The following TTLL4 variants were observed in gnomAD, a reference collection of about 807,000 sequenced individuals.
The protein encoded by TTLL4 is tubulin monoglutamylase TTLL4.
A neutral mutation model predicts 122.7 loss-of-function variants in TTLL4; 85 were observed. The observed-to-expected ratio is 0.69, with a 90% CI of 0.58 to 0.83. The LOEUF is 0.83. TTLL4 is among the 40% of genes least tolerant of loss of function. The probability of loss-of-function intolerance (pLI) is 0.00; values close to 1 mark genes in which losing one functional copy is unlikely to be tolerated. For missense variants in TTLL4, 1,363 were observed against 1,488.6 expected, an observed-to-expected ratio of 0.92 and a Z score of 1.39; for synonymous variants, 553 against 563.0, an observed-to-expected ratio of 0.98 and a Z score of 0.25.
At chr2:218,757,648 T>A (rs1943177425), downstream of TTLL4, among the ~76,000 whole-genome samples, 1 of 152,168 alleles carries the variant, frequency 6.6e-6, no homozygotes, top group African/African-American at 2.4e-5. Context: ...TACCTTCTCT[T>A]GGTTTCAAGC....
rs1943111181 is a variant in TTLL4, at chr2:218,754,443, G to A, written c.*54G>A. The A allele has an allele frequency of 3.7e-6, 6 of 1,605,466 alleles. No homozygotes were observed. Among genetic ancestry groups the A allele is most frequent in the South Asian group, 3.3e-5 (3 of 90,128 alleles). ...GGAGCATGGGCATCAGCTACCTCAC[G>A]GGAACCAGCCTGCTGTTCAGACCAG... On this transcript the variant is annotated 3_prime_UTR_variant, in exon 20 of 20. Transcript: ENST00000392102.
chr2:218,725,260 C>T (rs1265929918), intron 1 of TTLL4, among the ~76,000 whole-genome samples: 1 of 152,050 alleles, frequency 6.6e-6, no homozygotes, highest in East Asian at 1.9e-4. Flanking sequence ...TGCTGTGTCC[C>T]CTAGCGTGGA....
In TTLL4 at chr2:218,747,302, C is replaced by G. The variant is rs148484296; in HGVS notation, c.2179C>G (p.Arg727Gly). ...KWIVKPPASA[R>G]GIGIQVIHKW... ...TTTCTGCTCCTAGCCAGCATCAGCTCGAGGCATTGGCATCCAGGTTATTCA... is the reference window on the plus strand; with the variant it reads ...TTTCTGCTCCTAGCCAGCATCAGCTGGAGGCATTGGCATCCAGGTTATTCA... Residue 727 changes from arginine to glycine, a missense_variant, in exon 10 of 20, where the codon CGA (arginine) becomes GGA (glycine). By Grantham distance (125) the Arg-to-Gly change is moderately radical (BLOSUM62 -2). Transcript: ENST00000392102. This position sits in a 1 kb window ranked among gnomAD's most constrained non-coding sequence, Gnocchi z 4.7. 4.3e-6 allele frequency: 7 copies of G among 1,614,032 alleles called. No individual in the cohort carries two copies. The highest frequency in any genetic ancestry group is 5.9e-6 in the Non-Finnish European group (7 of 1,180,042).
rs749674538 is a variant in TTLL4 at position 218,748,874 on chromosome 2, G to C, written c.2540G>C (p.Gly847Ala). ...KALWNYLSQK[G>A]VNSDAIWEKI... ...TTGTGGAACTACCTGAGCCAGAAGG[G>C]AGTCAATAGCGACGCCATCTGGGAG... is the stretch of plus-strand genomic sequence containing the variant. Residue 847 changes from glycine (G) to alanine (A), a missense_variant, in exon 13 of 20, where the codon GGA (glycine) becomes GCA (alanine). Transcript: ENST00000392102. 6.8e-6 allele frequency: 11 copies of C among 1,613,992 alleles called. No homozygotes were observed. The East Asian group carries it at 2.2e-4, about 33-fold the overall frequency.
chr2:218,718,178 T>C (rs1012477275), intron 1 of TTLL4, among the ~76,000 whole-genome samples: 25 of 152,248 alleles, frequency 1.6e-4, no homozygotes, highest in African/African-American at 5.1e-4. Context: ...TGAGTTTCCC[T>C]GGTGACCGAG....
chr2:218,745,006 A>G lies in TTLL4; in HGVS notation c.1662-103A>G, dbSNP rs867791740. ...GAGCACCTGGCTTTTTAGAATCACAAGTTAAAAGACAGCACTTGGAAATAA... is the reference window on the plus strand; with the variant it reads ...GAGCACCTGGCTTTTTAGAATCACAGGTTAAAAGACAGCACTTGGAAATAA... On this transcript the variant is annotated intron_variant, in intron 5 of 19. Transcript: ENST00000392102. 2.2e-5 allele frequency: 32 copies of G among 1,482,974 alleles called. No individual in the cohort carries two copies. The South Asian group carries it at 2.4e-4, about 11-fold the overall frequency. 91.9% of individuals were successfully genotyped at this position (1,482,974 alleles called of 1,614,324 possible).
chr2:218,748,817 TC>T lies in TTLL4; in HGVS notation c.2502-17del, dbSNP rs776198603. ...TTCCTAGAATTTAATTCCTAATACT[TC>T]CTCTTCCTCCTCTGCAGGGCACTGA... On this transcript the variant is annotated intron_variant, in intron 12 of 19. Coordinates refer to ENST00000392102, the MANE Select transcript of TTLL4 (RefSeq NM_014640.5). 6.2e-7 allele frequency: 1 copy of T among 1,609,610 alleles called. No homozygotes were observed. Among genetic ancestry groups the T allele is most frequent in the Non-Finnish European group, 8.5e-7 (1 of 1,176,242 alleles).
intron 1 of TTLL4, among the ~76,000 whole-genome samples, chr2:218,717,801 CTTT>C (rs923415185): frequency 1.4e-5 from 2 of 144,302 alleles, no homozygotes; most frequent in South Asian, 2.2e-4. Flanking sequence ...CTATCTTCTT[CTTT>C]TTTTTTTTTT....
Position 218,730,311 on chromosome 2 carries a change from C to CAAAAAAAAAAAAAAAAAAAAAAAAA in TTLL4, c.-99+2978_-99+3002dup, listed in dbSNP as rs548186206. 2.1e-4 allele frequency among the ~76,000 whole-genome samples: 3 copies of CAAAAAAAAAAAAAAAAAAAAAAAAA among 14,302 alleles called. 1 individual carries two copies. The highest frequency in any genetic ancestry group is 6.2e-4 in the African/African-American group (2 of 3,250). The allele number at this position is 14,302 out of a possible 152,430, so 9.4% of individuals were successfully genotyped here. On this transcript the variant is annotated intron_variant, in intron 2 of 19. Transcript: ENST00000392102. ...TGAAACCCCATCTTTACTAAAAATC[C>CAAAAAAAAAAAAAAAAAAAAAAAAA]AAAAAAAAAAAAAAAAAAAAAAAAA...
intron 5 of TTLL4, among the ~76,000 whole-genome samples, chr2:218,744,387 T>G (rs1942783348): frequency 6.6e-6 from 1 of 152,216 alleles, no homozygotes; most frequent in Non-Finnish European, 1.5e-5. Flanking sequence ...GTAGTTGATA[T>G]GTTTGCTATG....
At chr2:218,757,837 G>C (rs1336024844), downstream of TTLL4, among the ~76,000 whole-genome samples, 1 of 152,134 alleles carries the variant, frequency 6.6e-6, no homozygotes, top group East Asian at 1.9e-4. Context: ...AACAAAGGCA[G>C]ACAGGGATCT....
Position 218,747,480 on chromosome 2 carries a change from A to G in TTLL4, c.2249+108A>G, listed in dbSNP as rs1942877709. ...GTTCTCCCAGCCAAAGAGCTTCCTT[A>G]GCCAACTGTTCTAAGGTCTTTATCT... On this transcript the variant is annotated intron_variant, in intron 10 of 19. Transcript: ENST00000392102. This position sits in a 1 kb window ranked among gnomAD's most constrained non-coding sequence, Gnocchi z 4.7. 6.4e-7 allele frequency: 1 copy of G among 1,568,644 alleles called. No individual in the cohort carries two copies. Among genetic ancestry groups the G allele is most frequent in the Non-Finnish European group, 8.7e-7 (1 of 1,153,930 alleles).
At position 218,738,533 on chromosome 2, in the gene TTLL4, C is replaced by A. The variant is rs1444867548; in HGVS notation, c.857C>A (p.Ala286Asp). 7 of 1,614,036 alleles carry A rather than the reference C, an allele frequency of 4.3e-6. No individual in the cohort carries two copies. In the Admixed American group the frequency reaches 5.0e-5, roughly 12 times the overall value. ...CCAGCTGATGCCAGTGCCCATATCGCCTTGTCTACCGCTAGCTCCCACGAC... is the reference window on the plus strand; with the variant it reads ...CCAGCTGATGCCAGTGCCCATATCGACTTGTCTACCGCTAGCTCCCACGAC... ...TVPADASAHI[A>D]LSTASSHDTS... Residue 286 changes from alanine to aspartate, a missense_variant, in exon 3 of 20, where the codon GCC becomes GAC. Ala to Asp is a moderately radical substitution (Grantham distance 126). Around this residue, in one of 3 missense-constraint regions of TTLL4, gnomAD observed 760 missense variants for 808.4 expected, o/e 0.94. Transcript: ENST00000392102.
chr2:218,732,677 T>C (rs191446247), intron 2 of TTLL4, among the ~76,000 whole-genome samples: 2 of 152,326 alleles, frequency 1.3e-5, no homozygotes, highest in African/African-American at 4.8e-5. Flanking sequence ...CTTCAGAAGC[T>C]TTTTAAAGTT....
At chr2:218,736,865 T>TTC (rs11423164) in intron 2 of TTLL4, among the ~76,000 whole-genome samples, 1 of 151,516 alleles carries the variant, frequency 6.6e-6, no homozygotes, top group African/African-American at 2.4e-5. Context: ...TTTTTTTTTT[T>TTC]CTGAGATGGG....
intron 15 of TTLL4, 93 bp downstream of exon 15, chr2:218,750,239 C>T: frequency 6.6e-7 from 1 of 1,506,508 alleles, no homozygotes. Context: ...CTCCCTTCTG[C>T]CAGGTTCCCC....
At position 218,754,765 on chromosome 2, in the gene TTLL4, C is replaced by A; in HGVS notation, c.*376C>A. 3.8e-6 allele frequency: 1 copy of A among 260,412 alleles called. No individual in the cohort carries two copies. Among genetic ancestry groups the A allele is most frequent in the Non-Finnish European group, 7.4e-6 (1 of 135,196 alleles). 16.1% of individuals were successfully genotyped at this position (260,412 alleles called of 1,614,324 possible). A position where few individuals can be genotyped will look rare whatever the true frequency, so the allele number is the denominator to read the frequency against. On this transcript the variant is annotated 3_prime_UTR_variant, in exon 20 of 20. Transcript: ENST00000392102. ...TTGTAGCTCAAGAGGAGAAAACATA[C>A]AGAACATATTTGGACCGGAAATCCT...
At chr2:218,749,541 T>A (rs545615519) in intron 14 of TTLL4, among the ~76,000 whole-genome samples, 154 bp downstream of exon 14, 3 of 152,136 alleles carry the variant, frequency 2.0e-5, no homozygotes, top group Non-Finnish European at 4.4e-5. Flanking sequence ...CAATCTTGGC[T>A]TACTGCAACC....
In TTLL4 at chr2:218,749,919, A is replaced by G. The variant is rs1031781321; in HGVS notation, c.2736-90A>G. On this transcript the variant is annotated intron_variant, in intron 14 of 19. Transcript: ENST00000392102. ...CAGCTTTCATCTTAGGGAAGCCAGG[A>G]AGTAAATGAGACTAGCCCTGAGTTG... 11 of 1,510,392 alleles carry G rather than the reference A, an allele frequency of 7.3e-6. No individual in the cohort carries two copies. In the African/African-American group the frequency reaches 1.5e-4, roughly 21 times the overall value. The allele number at this position is 1,510,392 out of a possible 1,614,324, so 93.6% of individuals were successfully genotyped here. A position where few individuals can be genotyped will look rare whatever the true frequency, so the allele number is the denominator to read the frequency against.
Sources: allele counts gnomAD v4.1 joint callset (sites outside exome capture counted in the v4.1 genomes callset), GRCh38; gene constraint gnomAD v4.1.1; regional missense constraint gnomAD v4.1.1; non-coding constraint Gnocchi (gnomAD v3.1); transcripts MANE v1.5; gene names NCBI Gene and HGNC (gene_info 2026-07-23, HGNC 2026-07-21).